RBFOX2: variants seen among roughly 807,000 people sequenced by gnomAD.
The protein encoded by RBFOX2 is RNA binding fox-1 homolog 2.
A neutral mutation model predicts 49.1 loss-of-function variants in RBFOX2; 10 were observed. The ratio of observed to expected loss-of-function variants is 0.20; its 90% confidence interval spans 0.13 to 0.35. RBFOX2 has a LOEUF of 0.35. Among genes scored for constraint, RBFOX2 ranks in the 10% least tolerant of loss-of-function variants. RBFOX2 has a pLI of 1.00. For synonymous variants in RBFOX2, 183 were observed against 187.4 expected (o/e 0.98, Z 0.19); for missense variants, 323 against 486.9 (o/e 0.66, Z 3.17).
chr22:35,756,015 G>GA (rs1348945703), intron 9 of RBFOX2, 90 bp downstream of exon 11: 8 of 934,046 alleles, frequency 8.6e-6, no homozygotes, highest in African/African-American at 7.0e-5. Context: ...AAATTAAAAG[G>GA]AAAAAAACCA....
At chr22:35,906,772 G>A (rs775633462) in intron 1 of RBFOX2, among the ~76,000 whole-genome samples, 6 of 151,968 alleles carry the variant, frequency 3.9e-5, no homozygotes, top group Admixed American at 3.3e-4. Flanking sequence ...CCAAGATCAC[G>A]CCACTGCATC....
chr22:35,862,519 T>C (rs763405227), intron 1 of RBFOX2, among the ~76,000 whole-genome samples: 11 of 152,126 alleles, frequency 7.2e-5, no homozygotes, highest in Non-Finnish European at 1.6e-4. Context: ...AGAACCCCTT[T>C]AGCACGTGCA....
intron 1 of RBFOX2, among the ~76,000 whole-genome samples, chr22:35,823,436 T>G (rs1409035636): frequency 6.6e-6 from 1 of 152,236 alleles, no homozygotes; most frequent in Non-Finnish European, 1.5e-5. Flanking sequence ...AATAACTCTC[T>G]TGTATATTAG....
chr22:36,003,903 T>C (rs1335981711), intron 1 of RBFOX2, among the ~76,000 whole-genome samples: 1 of 152,220 alleles, frequency 6.6e-6, no homozygotes, highest in Admixed American at 6.5e-5. Flanking sequence ...TTAAAGTTAA[T>C]GCAGGGTTCT....
At chr22:35,831,742 C>A (rs1400525456) in intron 1 of RBFOX2, among the ~76,000 whole-genome samples, 3 of 152,172 alleles carry the variant, frequency 2.0e-5, no homozygotes, top group Non-Finnish European at 4.4e-5. Context: ...TCACTTAAGT[C>A]CCAGTTTGTC....
At chr22:35,875,042 G>C (rs949185420) in intron 1 of RBFOX2, among the ~76,000 whole-genome samples, 1 of 152,170 alleles carries the variant, frequency 6.6e-6, no homozygotes, top group Non-Finnish European at 1.5e-5. Flanking sequence ...AGAAGAGGTT[G>C]TGTGAGCACA....
chr22:35,788,956 CTT>C (rs1295789284), intron 2 of RBFOX2, among the ~76,000 whole-genome samples: 2 of 152,166 alleles, frequency 1.3e-5, no homozygotes, highest in Middle Eastern at 3.2e-3. Context: ...TTTCACATCT[CTT>C]CTCTTGTATT....
intron 6 of RBFOX2, 108 bp from the exon 8 acceptor site, chr22:35,761,576 A>G: frequency 8.8e-7 from 1 of 1,130,166 alleles, no homozygotes; most frequent in Non-Finnish European, 1.3e-6. Context: ...TTTGCCTATT[A>G]TCAACTTCTC....
intron 1 of RBFOX2, among the ~76,000 whole-genome samples, chr22:35,923,378 A>C (rs2051245970): frequency 6.6e-6 from 1 of 150,614 alleles, no homozygotes; most frequent in Non-Finnish European, 1.5e-5. Flanking sequence ...AACTTCTTAC[A>C]CTTCCATATT....
At chr22:35,860,472 T>G (rs2042980256) in intron 1 of RBFOX2, among the ~76,000 whole-genome samples, 1 of 152,202 alleles carries the variant, frequency 6.6e-6, no homozygotes, top group African/African-American at 2.4e-5. Context: ...AAATAAATGA[T>G]TAACACTTTG....
At chr22:35,976,573 AAAGT>A (rs2057165516) in intron 1 of RBFOX2, among the ~76,000 whole-genome samples, 1 of 152,262 alleles carries the variant, frequency 6.6e-6, no homozygotes. Flanking sequence ...TTATAATATA[AAAGT>A]AATAACAGAA....
chr22:35,990,918 GAAC>G (rs1435634251), intron 1 of RBFOX2, among the ~76,000 whole-genome samples: 2 of 152,184 alleles, frequency 1.3e-5, no homozygotes, highest in South Asian at 4.2e-4. Context: ...GGGAGAGAGA[GAAC>G]AACAGAATAC....
chr22:35,819,925 TA>T (rs1000528876), intron 1 of RBFOX2, among the ~76,000 whole-genome samples: 4 of 152,190 alleles, frequency 2.6e-5, no homozygotes, highest in African/African-American at 9.7e-5. Context: ...GGCAACAAGC[TA>T]TACGTGTATC....
chr22:35,939,719 A>C (rs1207148587), upstream of RBFOX2, among the ~76,000 whole-genome samples: 1 of 152,218 alleles, frequency 6.6e-6, no homozygotes, highest in East Asian at 1.9e-4. Context: ...AAAGCCATGC[A>C]AACCCTAATT....
chr22:35,970,202 A>G (rs1422610548), intron 1 of RBFOX2, among the ~76,000 whole-genome samples: 2 of 152,158 alleles, frequency 1.3e-5, no homozygotes, highest in East Asian at 3.9e-4. Context: ...TGCTATCCCA[A>G]TTCCAAATAC....
chr22:35,750,392 TA>T, intron 9 of RBFOX2: 1 of 1,521,540 alleles, frequency 6.6e-7, no homozygotes, highest in Non-Finnish European at 9.1e-7. Flanking sequence ...TAATAAAAAT[TA>T]AAAAGGACAT....
At chr22:35,789,642 G>C (rs1230779941) in intron 2 of RBFOX2, among the ~76,000 whole-genome samples, 1 of 152,076 alleles carries the variant, frequency 6.6e-6, no homozygotes, top group African/African-American at 2.4e-5. Flanking sequence ...TAATTTCAAG[G>C]ACTCATTTTC....
At chr22:35,967,624 A>G (rs1263031914) in intron 1 of RBFOX2, among the ~76,000 whole-genome samples, 2 of 152,220 alleles carry the variant, frequency 1.3e-5, no homozygotes, top group Non-Finnish European at 2.9e-5. Flanking sequence ...TAATTGCATG[A>G]CACTCAAATA....
At chr22:35,801,683 G>C (rs1949819033) in intron 2 of RBFOX2, among the ~76,000 whole-genome samples, 1 of 151,984 alleles carries the variant, frequency 6.6e-6, no homozygotes, top group African/African-American at 2.4e-5. Flanking sequence ...AAATTAGCTG[G>C]GCATAGTGGC....
Sources: allele counts gnomAD v4.1 joint callset (sites outside exome capture counted in the v4.1 genomes callset), GRCh38; gene constraint gnomAD v4.1.1; transcripts MANE v1.5; gene names NCBI Gene and HGNC (gene_info 2026-07-23, HGNC 2026-07-21).